The following MARK1 variants were observed in gnomAD, a reference collection of about 807,000 sequenced individuals.
MARK1 encodes serine/threonine-protein kinase MARK1.
MARK1 carries 40 observed loss-of-function variants against 96.3 expected under a neutral mutation model. That is an observed-to-expected ratio of 0.42 (90% CI 0.32 to 0.54). The LOEUF (loss-of-function observed/expected upper bound fraction) is 0.54. Ranked by LOEUF, MARK1 falls within the 20% of genes least tolerant of loss-of-function variation. MARK1 has a pLI of 0.16. For missense variants in MARK1, 719 were observed against 984.6 expected, an observed-to-expected ratio of 0.73 and a Z score of 3.61; for synonymous variants, 317 against 341.2, an observed-to-expected ratio of 0.93 and a Z score of 0.78.
At chr1:220,531,675 G>C (rs1023944299) in intron 1 of MARK1, among the ~76,000 whole-genome samples, 2 of 152,072 alleles carry the variant, frequency 1.3e-5, no homozygotes, top group African/African-American at 2.4e-5. Context: ...TTTTCTCTAA[G>C]AACAGTCTAT....
chr1:220,644,904 A>C (rs767853552), intron 13 of MARK1, among the ~76,000 whole-genome samples: 4 of 152,198 alleles, frequency 2.6e-5, no homozygotes, highest in Admixed American at 6.5e-5. Flanking sequence ...AGTGTACCAG[A>C]ATTTCTGGGA....
At chr1:220,595,545 G>A (rs776410609) in intron 3 of MARK1, among the ~76,000 whole-genome samples, 2 of 152,202 alleles carry the variant, frequency 1.3e-5, no homozygotes, top group Admixed American at 6.5e-5. Flanking sequence ...TAGAGCAGAC[G>A]AGGCTCAGAG....
chr1:220,528,717 C>T lies in MARK1; in HGVS notation c.-106C>T. ...CGCCCCGCGGCCTGCGGGAGCCGCT[C>T]GCCCCGGCCTTGTGCTCGCGTCCGC... On this transcript the variant is annotated 5_prime_UTR_variant, in exon 1 of 18. Coordinates refer to ENST00000366917, the MANE Select transcript of MARK1 (RefSeq NM_018650.5). The T allele has an allele frequency of 3.0e-6, 3 of 1,009,424 alleles. No individual in the cohort carries two copies. Among genetic ancestry groups the T allele is most frequent in the South Asian group, 3.7e-5 (2 of 53,822 alleles). The allele number at this position is 1,009,424 out of a possible 1,614,324, so 62.5% of individuals were successfully genotyped here. A position where few individuals can be genotyped will look rare whatever the true frequency, so the allele number is the denominator to read the frequency against.
At chr1:220,591,053 T>C (rs769910042) in intron 3 of MARK1, among the ~76,000 whole-genome samples, 2 of 152,170 alleles carry the variant, frequency 1.3e-5, no homozygotes, top group Non-Finnish European at 2.9e-5. Flanking sequence ...GTTGTTTTTG[T>C]TATGGATGCC....
chr1:220,580,261 A>C (rs1165671713), intron 2 of MARK1, among the ~76,000 whole-genome samples: 1 of 152,062 alleles, frequency 6.6e-6, no homozygotes. Flanking sequence ...AGTGGGCATA[A>C]TTGCTTGAGG....
intron 1 of MARK1, among the ~76,000 whole-genome samples, chr1:220,566,148 C>A (rs1304118468): frequency 1.3e-5 from 2 of 152,128 alleles, no homozygotes; most frequent in African/African-American, 4.8e-5. Flanking sequence ...AAAAAGCATT[C>A]AACACAGAAG....
intron 3 of MARK1, among the ~76,000 whole-genome samples, chr1:220,596,942 A>T (rs940965034): frequency 2.0e-5 from 3 of 152,170 alleles, no homozygotes; most frequent in African/African-American, 7.2e-5. Context: ...CACTCTAGGT[A>T]CCTTATATAA....
intron 1 of MARK1, among the ~76,000 whole-genome samples, chr1:220,566,818 T>C (rs78334063): frequency 6.6e-6 from 1 of 151,624 alleles, no homozygotes; most frequent in African/African-American, 2.4e-5. Flanking sequence ...ACTGACAACA[T>C]CTTCTGTGTT....
At chr1:220,622,610 C>T (rs1418683596) in intron 9 of MARK1, among the ~76,000 whole-genome samples, 2 of 152,098 alleles carry the variant, frequency 1.3e-5, no homozygotes, top group Non-Finnish European at 2.9e-5. Flanking sequence ...AAAATGTGCA[C>T]CTCAGGCCAG....
At chr1:220,556,111 C>T (rs556145090) in intron 1 of MARK1, among the ~76,000 whole-genome samples, 16 of 152,218 alleles carry the variant, frequency 1.1e-4, no homozygotes, top group African/African-American at 3.9e-4. Context: ...CTAACACTGT[C>T]TTAGGGACAG....
At chr1:220,559,449 C>G (rs1020935877) in intron 1 of MARK1, among the ~76,000 whole-genome samples, 2 of 152,126 alleles carry the variant, frequency 1.3e-5, no homozygotes, top group African/African-American at 4.8e-5. Context: ...ACAAAAACTT[C>G]TTTTAAGAAC....
chr1:220,655,106 T>G (rs1451073328), intron 16 of MARK1, among the ~76,000 whole-genome samples: 1 of 152,244 alleles, frequency 6.6e-6, no homozygotes, highest in Admixed American at 6.5e-5. Flanking sequence ...TTTCCCTTGC[T>G]TGGCTCTGGT....
At chr1:220,605,075 T>C (rs1202434417) in intron 6 of MARK1, among the ~76,000 whole-genome samples, 1 of 86,768 alleles carries the variant, frequency 1.2e-5, no homozygotes, top group East Asian at 6.6e-4. Flanking sequence ...CTAAGATACA[T>C]ATGTGTGTGT....
At chr1:220,560,424 C>T (rs1553316992) in intron 1 of MARK1, among the ~76,000 whole-genome samples, 1 of 152,224 alleles carries the variant, frequency 6.6e-6, no homozygotes, top group Admixed American at 6.5e-5. Context: ...ATTATTTTTT[C>T]CTTAATGTTG....
intron 1 of MARK1, among the ~76,000 whole-genome samples, chr1:220,572,716 G>A (rs1431751980): frequency 6.6e-6 from 1 of 152,292 alleles, no homozygotes; most frequent in East Asian, 1.9e-4. Flanking sequence ...ATGGAAAAAT[G>A]TGTACTGTTT....
intron 1 of MARK1, among the ~76,000 whole-genome samples, chr1:220,571,394 G>A: frequency 6.6e-6 from 1 of 152,144 alleles, no homozygotes; most frequent in East Asian, 1.9e-4. Context: ...ACATAGAGGA[G>A]GAGAATCACA....
chr1:220,590,305 C>T (rs182465795), intron 3 of MARK1, among the ~76,000 whole-genome samples: 169 of 152,296 alleles, frequency 1.1e-3, no homozygotes, highest in African/African-American at 4.0e-3. Flanking sequence ...GTCGGGCCAT[C>T]ACAAAATACC....
intron 6 of MARK1, among the ~76,000 whole-genome samples, chr1:220,606,820 T>G (rs1237191790): frequency 6.6e-6 from 1 of 152,186 alleles, no homozygotes; most frequent in East Asian, 1.9e-4. Flanking sequence ...TTGTCAAAGA[T>G]CAGATGGTTG....
chr1:220,637,909 C>G (rs1225696960), intron 13 of MARK1, among the ~76,000 whole-genome samples: 1 of 152,064 alleles, frequency 6.6e-6, no homozygotes, highest in Non-Finnish European at 1.5e-5. Flanking sequence ...CTTCAACTCC[C>G]TAATACCCAT....
Sources: gnomAD v4.1 joint callset for allele counts (sites outside exome capture counted in the v4.1 genomes callset) on GRCh38, gnomAD v4.1.1 for gene constraint, MANE v1.5 for transcripts, NCBI Gene and HGNC (gene_info 2026-07-23, HGNC 2026-07-21) for gene names.